SLC25A17: variants seen among roughly 807,000 people sequenced by gnomAD.
SLC25A17 encodes solute carrier family 25 member 17, also known as peroxisomal membrane protein PMP34.
SLC25A17 carries 26 observed loss-of-function variants against 38.5 expected under a neutral mutation model. That is an observed-to-expected ratio of 0.68 (90% CI 0.50 to 0.94). The LOEUF (loss-of-function observed/expected upper bound fraction) is 0.94. SLC25A17 is among the 40% of genes least tolerant of loss of function. The probability of loss-of-function intolerance (pLI) is 0.00; values close to 1 mark genes in which losing one functional copy is unlikely to be tolerated. For missense variants in SLC25A17, 333 were observed against 372.7 expected (o/e 0.89, Z 0.88); for synonymous variants, 139 against 136.2 (o/e 1.02, Z -0.14).
Position 40,781,284 on chromosome 22 carries a change from C to T in SLC25A17, c.335-2159G>A, listed in dbSNP as rs555841570. 4.5e-3 allele frequency among the ~76,000 whole-genome samples: 671 copies of T among 149,394 alleles called. 2 individuals are homozygous for T. Among genetic ancestry groups the T allele is most frequent in the Middle Eastern group, 0.031 (9 of 292 alleles). On this transcript the variant is annotated intron_variant, in intron 4 of 8. Transcript: ENST00000435456. ...TTTTTGAGACGGAGTCTCGCTCTTTCGCCCAGGCCGGAGTGCAGTGGTTCT... is the reference window on the plus strand; with the variant it reads ...TTTTTGAGACGGAGTCTCGCTCTTTTGCCCAGGCCGGAGTGCAGTGGTTCT...
chr22:40,781,899 T>G (rs1311688524), intron 4 of SLC25A17, among the ~76,000 whole-genome samples: 1 of 152,064 alleles, frequency 6.6e-6, no homozygotes, highest in Non-Finnish European at 1.5e-5. Context: ...AAGAAAATTG[T>G]CTGCTTTTTT....
rs1852005419 is a variant in SLC25A17 at position 40,789,402 on chromosome 22, G to A, written c.334+3123C>T. ...GCACCAGGGGCCCGACGATGCCGAT[G>A]ACACGCCACGGAGGATCCCTGATGC... is the stretch of plus-strand genomic sequence containing the variant. On this transcript the variant is annotated intron_variant, in intron 4 of 8. Transcript: ENST00000435456. The surrounding 1 kb of genome is among the most constrained non-coding windows in gnomAD (Gnocchi z 4.5). 6.6e-6 allele frequency: 1 copy of A among 152,298 alleles called. No individual in the cohort carries two copies. Among genetic ancestry groups the A allele is most frequent in the Admixed American group, 6.5e-5 (1 of 15,294 alleles). The allele number at this position is 152,298 out of a possible 1,614,324, so 9.4% of individuals were successfully genotyped here. A position where few individuals can be genotyped will look rare whatever the true frequency, so the allele number is the denominator to read the frequency against.
In SLC25A17 at chr22:40,819,205, G is replaced by C; in HGVS notation, c.44C>G (p.Ala15Gly). 6.2e-7 allele frequency: 1 copy of C among 1,613,704 alleles called. No individual in the cohort carries two copies. The highest frequency in any genetic ancestry group is 8.5e-7 in the Non-Finnish European group (1 of 1,180,006). Residue 15 changes from alanine (A) to glycine (G), a missense_variant, in exon 1 of 9, where the codon GCC (alanine) becomes GGC (glycine). Transcript: ENST00000435456. ...AAGACCCCGTCTCACCACGGCTCCG[G>C]CCACGGCGTGGACCAGGCTTTCGTA... ...LSYESLVHAVAGAVGSVTAMT... is the reference protein window; with the variant it reads ...LSYESLVHAVGGAVGSVTAMT...
In SLC25A17 at chr22:40,793,318, C is replaced by T. The variant is rs964012464; in HGVS notation, c.183-642G>A. Among the ~76,000 whole-genome samples, 6 of 152,238 alleles carry T rather than the reference C, an allele frequency of 3.9e-5. No individual in the cohort carries two copies. In the South Asian group the frequency reaches 1.0e-3, roughly 26 times the overall value. ...TTGGAAAGTCGTCATTTTGCAACTT[C>T]GTGGTAAATTTAGGGGAAAAATGTT... On this transcript the variant is annotated intron_variant, in intron 3 of 8. Coordinates refer to ENST00000435456, the MANE Select transcript of SLC25A17 (RefSeq NM_006358.4).
intron 1 of SLC25A17, among the ~76,000 whole-genome samples, chr22:40,807,681 G>A (rs2057542288): frequency 6.6e-6 from 1 of 151,998 alleles, no homozygotes; most frequent in Non-Finnish European, 1.5e-5. Context: ...CCCGGGAGGC[G>A]GAACTTGCAG....
chr22:40,779,994 TG>T (rs879641809), intron 4 of SLC25A17: 2 of 152,278 alleles, frequency 1.3e-5, no homozygotes, highest in Non-Finnish European at 2.9e-5. Flanking sequence ...GTGGAACAAA[TG>T]AAGCAATGAA....
intron 1 of SLC25A17, among the ~76,000 whole-genome samples, chr22:40,809,327 T>TA (rs1013820620): frequency 1.3e-5 from 2 of 151,668 alleles, no homozygotes; most frequent in South Asian, 2.1e-4. Context: ...CACATCTCTT[T>TA]AAAAAAACAA....
At chr22:40,811,344 GACTCCCGA>G (rs1375280447) in intron 1 of SLC25A17, among the ~76,000 whole-genome samples, 1 of 151,726 alleles carries the variant, frequency 6.6e-6, no homozygotes. Context: ...ACCCGTCTCA[GACTCCCGA>G]AGTGCTGGGA....
At chr22:40,814,791 T>TATATATATA (rs1568991013) in intron 1 of SLC25A17, among the ~76,000 whole-genome samples, 3 of 122,620 alleles carry the variant, frequency 2.4e-5, no homozygotes, top group Non-Finnish European at 3.4e-5. Context: ...ATATATATAT[T>TATATATATA]GTTGTTGTTG....
At chr22:40,796,881 G>A (rs967211954) in intron 2 of SLC25A17, among the ~76,000 whole-genome samples, 2 of 152,124 alleles carry the variant, frequency 1.3e-5, no homozygotes, top group African/African-American at 4.8e-5. Context: ...TAAGACAGAC[G>A]AAGACGCTCC....
intron 7 of SLC25A17, among the ~76,000 whole-genome samples, chr22:40,775,446 T>TG: frequency 2.2e-5 from 1 of 46,344 alleles, no homozygotes; most frequent in Non-Finnish European, 4.4e-5. Context: ...GTTTTTTTTT[T>TG]TTTTTTTTTT....
Position 40,773,953 on chromosome 22 carries a change from G to A in SLC25A17, c.760C>T (p.Leu254Phe). 1 of 1,609,732 alleles carries A rather than the reference G, an allele frequency of 6.2e-7. No individual in the cohort carries two copies. The highest frequency in any genetic ancestry group is 8.5e-7 in the Non-Finnish European group (1 of 1,175,988). The change falls in exon 8 of 9, where the codon CTT becomes TTT. Residue 254 changes from leucine (L) to phenylalanine (F), a missense_variant. Leu to Phe is a conservative substitution (Grantham distance 22). Transcript: ENST00000435456. ...AAAGCTCACCTTACTCGTTGGTGAA[G>A]AAGATAGAGAATATTCCGAAGACTT... ...LGSLRNILYL[L>F]HQRVRRFGIM...
chr22:40,796,427 T>A (rs547503186), intron 2 of SLC25A17, among the ~76,000 whole-genome samples: 2 of 151,524 alleles, frequency 1.3e-5, no homozygotes, highest in East Asian at 3.9e-4. Context: ...TCACCTGAGG[T>A]CAGGAGTTCG....
chr22:40,774,120 T>A (rs966508101), intron 7 of SLC25A17, 101 bp from the exon 8 acceptor site: 5 of 671,646 alleles, frequency 7.4e-6, no homozygotes, highest in Non-Finnish European at 1.3e-5. Flanking sequence ...TCTTATAGCA[T>A]ACATTAATAA....
chr22:40,777,776 C>T (rs190730835), intron 5 of SLC25A17, among the ~76,000 whole-genome samples: 217 of 138,304 alleles, frequency 1.6e-3, no homozygotes, highest in African/African-American at 5.4e-3. Context: ...AGCAAGACTC[C>T]ATTTCCAAAA....
At chr22:40,791,743 G>A (rs1308145398) in intron 4 of SLC25A17, among the ~76,000 whole-genome samples, 2 of 152,136 alleles carry the variant, frequency 1.3e-5, no homozygotes, top group South Asian at 4.1e-4. Flanking sequence ...CAGAAAGTAA[G>A]TGTTAGTGAG....
intron 3 of SLC25A17, 133 bp from the exon 4 acceptor site, chr22:40,792,809 A>G: frequency 1.4e-6 from 1 of 729,168 alleles, no homozygotes; most frequent in Admixed American, 2.8e-5. Context: ...GGGACTCCAA[A>G]CTGTACACAC....
intron 1 of SLC25A17, among the ~76,000 whole-genome samples, chr22:40,807,409 C>CA (rs1282978727): frequency 2.0e-5 from 3 of 152,112 alleles, no homozygotes; most frequent in Non-Finnish European, 4.4e-5. Flanking sequence ...CTACAGAACT[C>CA]ACGCTCTTAC....
At position 40,770,738 on chromosome 22, in the gene SLC25A17, G is replaced by A; in HGVS notation, c.*96C>T. On this transcript the variant is annotated 3_prime_UTR_variant, in exon 9 of 9. Transcript: ENST00000435456. ...TCAAGCCAATGAGGGTAACATTTGT[G>A]GTGGCAGGAGCCAGAGTCAAGGGAG... The A allele has an allele frequency of 1.5e-6, 2 of 1,316,406 alleles. No individual in the cohort carries two copies. The highest frequency in any genetic ancestry group is 1.5e-5 in the African/African-American group (1 of 68,070). The allele number at this position is 1,316,406 out of a possible 1,614,324, so 81.5% of individuals were successfully genotyped here.
Sources: allele counts gnomAD v4.1 joint callset (sites outside exome capture counted in the v4.1 genomes callset), GRCh38; gene constraint gnomAD v4.1.1; non-coding constraint Gnocchi (gnomAD v3.1); transcripts MANE v1.5; gene names NCBI Gene and HGNC (gene_info 2026-07-23, HGNC 2026-07-21).